Variants in NTM observed in about 807,000 individuals in gnomAD.
NTM encodes neurotrimin, also known as IgLON family member 2.
In NTM, 13 loss-of-function variants were observed where a neutral mutation model predicts 42.1. The observed-to-expected ratio is 0.31, with a 90% confidence interval of 0.20 to 0.49. The LOEUF (loss-of-function observed/expected upper bound fraction) is 0.49, where lower values mean the gene tolerates loss of function less well. NTM is among the 20% of genes least tolerant of loss of function. The pLI, the probability that NTM is intolerant of heterozygous loss-of-function variation, is 0.99. For missense variants in NTM, 373 were observed against 452.8 expected (o/e 0.82, Z 1.60); for synonymous variants, 187 against 179.2 (o/e 1.04, Z -0.35).
At chr11:132,057,975 A>T (rs1413486837) in intron 2 of NTM, among the ~76,000 whole-genome samples, 1 of 151,952 alleles carries the variant, frequency 6.6e-6, no homozygotes, top group African/African-American at 2.4e-5. Context: ...TGCTTGTCTC[A>T]TAACTCCTAG....
Position 131,907,674 on chromosome 11 carries a change from C to T in NTM, c.83-3890C>T, listed in dbSNP as rs897757653. On this transcript the variant is annotated intron_variant, in intron 1 of 8. Coordinates refer to ENST00000683400, the MANE Select transcript of NTM (RefSeq NM_001352005.2). ...TGGTGGGAAAGAGGGTGGAGGTGGG[C>T]GCTCGTTAGGAATCGGCTTTCAAGG... is the stretch of plus-strand genomic sequence containing the variant. Among the ~76,000 whole-genome samples, 5 of 152,008 alleles carry T rather than the reference C, an allele frequency of 3.3e-5. No individual in the cohort carries two copies. The East Asian group carries it at 7.7e-4, about 24-fold the overall frequency.
chr11:131,608,214 A>G (rs1309852716), intron 1 of NTM, among the ~76,000 whole-genome samples: 3 of 152,170 alleles, frequency 2.0e-5, no homozygotes, highest in Non-Finnish European at 2.9e-5. Flanking sequence ...TGTCCCTGCA[A>G]AGGACATGAA....
At chr11:132,078,810 G>A (rs1006756656) in intron 2 of NTM, among the ~76,000 whole-genome samples, 2 of 152,148 alleles carry the variant, frequency 1.3e-5, no homozygotes, top group African/African-American at 4.8e-5. Flanking sequence ...AGAGCCGTTG[G>A]ATCTGTAAGG....
chr11:131,463,234 GC>G (rs1332731658), intron 1 of NTM, among the ~76,000 whole-genome samples: 1 of 152,230 alleles, frequency 6.6e-6, no homozygotes, highest in Non-Finnish European at 1.5e-5. Flanking sequence ...CACAAGCCTT[GC>G]TCTCCATCCA....
At chr11:131,790,597 A>G (rs1176512866) in intron 1 of NTM, among the ~76,000 whole-genome samples, 1 of 152,224 alleles carries the variant, frequency 6.6e-6, no homozygotes, top group Non-Finnish European at 1.5e-5. Flanking sequence ...GGCCATTCAA[A>G]GTAGGCAAAT....
chr11:131,650,445 C>G (rs770912910), intron 1 of NTM, among the ~76,000 whole-genome samples: 1 of 152,206 alleles, frequency 6.6e-6, no homozygotes, highest in African/African-American at 2.4e-5. Context: ...CAACATGGCT[C>G]CTCATTCTTT....
intron 2 of NTM, among the ~76,000 whole-genome samples, chr11:132,110,666 A>C (rs780187893): frequency 2.0e-5 from 3 of 152,208 alleles, no homozygotes; most frequent in Non-Finnish European, 4.4e-5. Flanking sequence ...TCAAAATTTC[A>C]ATGAATCAAC....
At chr11:131,810,250 A>G (rs900151557) in intron 1 of NTM, among the ~76,000 whole-genome samples, 3 of 151,960 alleles carry the variant, frequency 2.0e-5, no homozygotes, top group Non-Finnish European at 4.4e-5. Flanking sequence ...GAATCCCCCA[A>G]ACACATTGAC....
intron 1 of NTM, among the ~76,000 whole-genome samples, chr11:131,881,510 C>CACACACACACACACACACACACA (rs67919649): frequency 6.9e-6 from 1 of 145,210 alleles, no homozygotes; most frequent in Non-Finnish European, 1.5e-5. Flanking sequence ...ACACACACAC[C>CACACACACACACACACACACACA]CCCCAAAGCT....
intron 2 of NTM, among the ~76,000 whole-genome samples, chr11:132,135,016 A>G (rs1473082382): frequency 1.3e-5 from 2 of 152,054 alleles, no homozygotes; most frequent in East Asian, 3.9e-4. Flanking sequence ...TACTGTCCAC[A>G]TGCTCCTGCC....
chr11:131,596,359 G>A (rs1354504394), intron 1 of NTM, among the ~76,000 whole-genome samples: 1 of 152,220 alleles, frequency 6.6e-6, no homozygotes, highest in East Asian at 1.9e-4. Flanking sequence ...GGGACCATAA[G>A]GTCTCCACTG....
intron 1 of NTM, among the ~76,000 whole-genome samples, chr11:131,615,205 G>C (rs1379413383): frequency 6.6e-6 from 1 of 152,180 alleles, no homozygotes; most frequent in Non-Finnish European, 1.5e-5. Flanking sequence ...ACATAACACA[G>C]TCTGGGACTA....
intron 2 of NTM, among the ~76,000 whole-genome samples, chr11:132,013,043 C>T (rs1053656281): frequency 6.6e-6 from 1 of 152,110 alleles, no homozygotes; most frequent in Non-Finnish European, 1.5e-5. Context: ...AGTTCACATA[C>T]AGATCTGATG....
At position 131,508,325 on chromosome 11, in the gene NTM, C is replaced by A. The variant is rs1172734280; in HGVS notation, c.82+137437C>A. Among the ~76,000 whole-genome samples the A allele has an allele frequency of 1.1e-3, 156 of 147,196 alleles. 1 individual carries two copies. Among genetic ancestry groups the A allele is most frequent in the African/African-American group, 3.9e-3 (152 of 39,274 alleles). The stretch of plus-strand genomic sequence containing the variant: ...GCCATCAGAGAAATGCAAATCAAAA[C>A]CACAATGAGATACCATCTCACACCA... On this transcript the variant is annotated intron_variant, in intron 1 of 8. Coordinates refer to ENST00000683400, the MANE Select transcript of NTM (RefSeq NM_001352005.2).
chr11:131,765,306 T>G (rs576022665), intron 1 of NTM, among the ~76,000 whole-genome samples: 23 of 152,228 alleles, frequency 1.5e-4, no homozygotes, highest in African/African-American at 5.1e-4. Context: ...CTAAATACCT[T>G]TATGATTTGA....
intron 1 of NTM, among the ~76,000 whole-genome samples, chr11:131,823,192 C>A (rs1171215277): frequency 6.6e-6 from 1 of 152,134 alleles, no homozygotes; most frequent in African/African-American, 2.4e-5. Context: ...TCCCAGAGAC[C>A]ATGGAAATCC....
intron 4 of NTM, among the ~76,000 whole-genome samples, chr11:132,250,414 T>C (rs906879864): frequency 2.0e-5 from 3 of 152,268 alleles, no homozygotes; most frequent in Admixed American, 6.5e-5. Flanking sequence ...TATGGATTAA[T>C]TTTTTTATTA....
chr11:132,117,319 T>C (rs1361976885), intron 2 of NTM, among the ~76,000 whole-genome samples: 1 of 152,194 alleles, frequency 6.6e-6, no homozygotes, highest in African/African-American at 2.4e-5. Context: ...TTGAAAAGGT[T>C]AGAAAAGTGT....
chr11:132,132,132 C>G (rs10894510), intron 2 of NTM, among the ~76,000 whole-genome samples: 32,657 of 152,162 alleles, frequency 0.21, 4,046 homozygotes, highest in South Asian at 0.34. Flanking sequence ...CTCTGCCTGA[C>G]GTTTTATACC....
Sources: allele counts gnomAD v4.1 joint callset (sites outside exome capture counted in the v4.1 genomes callset), GRCh38; gene constraint gnomAD v4.1.1; transcripts MANE v1.5; gene names NCBI Gene and HGNC (gene_info 2026-07-23, HGNC 2026-07-21).